NDUFAF7: variants seen among roughly 807,000 people sequenced by gnomAD.
The protein encoded by NDUFAF7 is NADH:ubiquinone oxidoreductase complex assembly factor 7.
In NDUFAF7, 48 loss-of-function variants were observed where a neutral mutation model predicts 47.2. The observed-to-expected ratio is 1.02, with a 90% CI of 0.81 to 1.29. The LOEUF (loss-of-function observed/expected upper bound fraction) is 1.29. Ranked by LOEUF, NDUFAF7 falls within the 50% of genes most tolerant of loss-of-function variation. NDUFAF7 has a pLI of 0.00. For missense variants in NDUFAF7, 635 were observed against 537.6 expected (o/e 1.18, Z -1.79); for synonymous variants, 217 against 190.0 (o/e 1.14, Z -1.17).
At chr2:37,257,029 C>T (rs916115905), downstream of NDUFAF7, 3 of 1,244,418 alleles carry the variant, frequency 2.4e-6, no homozygotes, top group African/African-American at 3.0e-5. Flanking sequence ...AACATACTTG[C>T]CAGCTCTACT....
At chr2:37,253,188 C>A (rs1380234072), downstream of NDUFAF7, 10 of 1,601,702 alleles carry the variant, frequency 6.2e-6, no homozygotes, top group African/African-American at 1.2e-4. Context: ...TAAGGATCTT[C>A]TTCCATATCA....
At chr2:37,249,558 G>GACACACACACACACAC (rs56374800), downstream of NDUFAF7, among the ~76,000 whole-genome samples, 184 of 128,480 alleles carry the variant, frequency 1.4e-3, no homozygotes, top group African/African-American at 4.8e-3. Context: ...GCCTGTGATA[G>GACACACACACACACAC]ACACACACAC....
At chr2:37,269,502 TA>T in the NDUFAF7 span, 141 of 838,238 alleles carry the variant, frequency 1.7e-4, no homozygotes, top group South Asian at 2.3e-4. Flanking sequence ...AGTCAGCCTT[TA>T]AAAAAAAGGC....
the NDUFAF7 span, chr2:37,260,463 C>T: frequency 7.7e-7 from 1 of 1,293,026 alleles, no homozygotes; most frequent in Non-Finnish European, 1.1e-6. Context: ...CTATGATTGT[C>T]TGAAATGGCA....
chr2:37,235,861 T>C (rs1665697703), intron 2 of NDUFAF7, among the ~76,000 whole-genome samples: 2 of 152,042 alleles, frequency 1.3e-5, no homozygotes, highest in South Asian at 4.1e-4. Flanking sequence ...GGTTTCACCA[T>C]GTTAGGCAGG....
chr2:37,267,585 A>C, the NDUFAF7 span: 1 of 1,313,736 alleles, frequency 7.6e-7, no homozygotes. Flanking sequence ...TGACAGCTTT[A>C]TTAGGGAGTT....
chr2:37,247,497 A>G lies in NDUFAF7; in HGVS notation c.978A>G (p.Pro326=). 1 of 1,614,116 alleles carries G rather than the reference A, an allele frequency of 6.2e-7. No individual in the cohort carries two copies. The highest frequency in any genetic ancestry group is 1.3e-5 in the African/African-American group (1 of 75,062). ...DHKLHDVLIA[P]GTADLTADVD... ...AGCTTCATGATGTCTTAATTGCCCC[A>G]GGAACAGCAGATCTAACAGCTGATG... The change falls in exon 9 of 10, where the codon CCA becomes CCG. Residue 326 remains proline (P), a synonymous_variant. Transcript: ENST00000002125.
chr2:37,236,923 A>G (rs1264564966), intron 3 of NDUFAF7, among the ~76,000 whole-genome samples: 2 of 152,164 alleles, frequency 1.3e-5, no homozygotes, highest in African/African-American at 2.4e-5. Context: ...GAGAAGCTCT[A>G]AAGCTCCCAG....
chr2:37,237,812 T>G lies in NDUFAF7; in HGVS notation c.353T>G (p.Phe118Cys), dbSNP rs1399777390. Reference protein sequence around the residue: ...EWMATGKSTAFQLVELGPGRG... With the variant: ...EWMATGKSTACQLVELGPGRG... ...ATGGCCACTGGAAAAAGCACAGCTT[T>G]CCAGCTGGTGGAACTGGGCCCAGGT... The change falls in exon 4 of 10, where the codon TTC (phenylalanine) becomes TGC (cysteine). Residue 118 changes from phenylalanine to cysteine, a missense_variant. Transcript: ENST00000002125. 1 of 1,614,012 alleles carries G rather than the reference T, an allele frequency of 6.2e-7. No homozygotes were observed. Among genetic ancestry groups the G allele is most frequent in the Admixed American group, 1.7e-5 (1 of 60,018 alleles).
chr2:37,242,079 G>C, intron 5 of NDUFAF7: 1 of 431,156 alleles, frequency 2.3e-6, no homozygotes, highest in South Asian at 2.7e-5. Context: ...TACCGATGAC[G>C]GAGCAGCCCA....
In NDUFAF7 at chr2:37,244,651, A is replaced by T. The variant is rs113726294; in HGVS notation, c.792+678A>T. ...TTTAATCCTTTTTTTCCAGCTCAGA[A>T]GATGATTTTTACTTTCTGGACCTTA... On this transcript the variant is annotated intron_variant, in intron 7 of 9. Coordinates refer to ENST00000002125, the MANE Select transcript of NDUFAF7 (RefSeq NM_144736.5). Among the ~76,000 whole-genome samples, 789 of 152,260 alleles carry T rather than the reference A, an allele frequency of 5.2e-3. 3 individuals are homozygous for T. Among genetic ancestry groups the T allele is most frequent in the Non-Finnish European group, 9.2e-3 (624 of 68,000 alleles).
At position 37,232,159 on chromosome 2, in the gene NDUFAF7, GAAA is replaced by G; in HGVS notation, c.111_113del (p.Glu37_Asn38delinsAsp). The G allele has an allele frequency of 6.2e-7, 1 of 1,614,242 alleles. No individual in the cohort carries two copies. Among genetic ancestry groups the G allele is most frequent in the Non-Finnish European group, 8.5e-7 (1 of 1,180,044 alleles). On this transcript the variant is annotated inframe_deletion, in exon 2 of 10. Transcript: ENST00000002125. ...CTTCAGCTCCGGGAATGAGCCTGCAGAAAACCCGGTGACGCCGATGCTGCGGCA... is the reference window on the plus strand; with the variant it reads ...CTTCAGCTCCGGGAATGAGCCTGCAGACCCGGTGACGCCGATGCTGCGGCA...
At chr2:37,243,047 GAACTCC>G (rs2148424671) in intron 6 of NDUFAF7, among the ~76,000 whole-genome samples, 1 of 152,138 alleles carries the variant, frequency 6.6e-6, no homozygotes, top group African/African-American at 2.4e-5. Context: ...GGCTGGTCTT[GAACTCC>G]AGGGCTCAAG....
intron 5 of NDUFAF7, chr2:37,242,093 C>G: frequency 2.5e-6 from 1 of 403,720 alleles, no homozygotes; most frequent in Non-Finnish European, 4.5e-6. Flanking sequence ...CAGCCCAAGG[C>G]AGCTGGGGCT....
At chr2:37,258,644 A>C in the NDUFAF7 span, among the ~76,000 whole-genome samples, 6 of 152,220 alleles carry the variant, frequency 3.9e-5, no homozygotes, top group African/African-American at 1.4e-4. Context: ...AGTTTATTTA[A>C]AACATTGCAC....
At chr2:37,234,952 A>C (rs760872050) in intron 2 of NDUFAF7, among the ~76,000 whole-genome samples, 39 of 152,252 alleles carry the variant, frequency 2.6e-4, no homozygotes, top group Non-Finnish European at 1.8e-4. Flanking sequence ...CTTGAGAAGC[A>C]TAAGAAATAT....
At chr2:37,248,099 T>C in intron 9 of NDUFAF7, 36 bp from the exon 10 acceptor site, 2 of 1,508,698 alleles carry the variant, frequency 1.3e-6, no homozygotes, top group Non-Finnish European at 1.8e-6. Flanking sequence ...AATCCTGTCT[T>C]CTGGTTATTT....
At chr2:37,241,333 T>A (rs2148417384) in intron 4 of NDUFAF7, among the ~76,000 whole-genome samples, 1 of 152,354 alleles carries the variant, frequency 6.6e-6, no homozygotes, top group East Asian at 1.9e-4. Flanking sequence ...TCTTTTATTT[T>A]CATTTGTTAA....
chr2:37,239,778 C>G (rs1249332581), intron 4 of NDUFAF7, among the ~76,000 whole-genome samples: 1 of 151,888 alleles, frequency 6.6e-6, no homozygotes, highest in Non-Finnish European at 1.5e-5. Context: ...TATATAAAAT[C>G]CAAAAAATAG....
Sources: allele counts gnomAD v4.1 joint callset (sites outside exome capture counted in the v4.1 genomes callset), GRCh38; gene constraint gnomAD v4.1.1; transcripts MANE v1.5; gene names NCBI Gene and HGNC (gene_info 2026-07-23, HGNC 2026-07-21).